MTCL1: variants seen among roughly 807,000 people sequenced by gnomAD.
MTCL1 encodes the protein microtubule cross-linking factor 1.
A neutral mutation model predicts 141.4 loss-of-function variants in MTCL1; 79 were observed. That is an observed-to-expected ratio of 0.56 (90% confidence interval 0.47 to 0.67). MTCL1 has a LOEUF of 0.67. Ranked by LOEUF, MTCL1 falls within the 30% of genes least tolerant of loss-of-function variation. MTCL1 has a pLI of 0.00. For missense variants in MTCL1, 2,177 were observed against 2,113.9 expected, an observed-to-expected ratio of 1.03 and a Z score of -0.59; for synonymous variants, 914 against 875.8, an observed-to-expected ratio of 1.04 and a Z score of -0.77.
chr18:8,757,774 A>G (rs982500932), intron 4 of MTCL1, among the ~76,000 whole-genome samples: 5 of 152,206 alleles, frequency 3.3e-5, no homozygotes, highest in South Asian at 2.1e-4. Flanking sequence ...TTTGAAAGCA[A>G]TAGGTTTTTA....
At chr18:8,727,990 T>A (rs2096227555) in intron 4 of MTCL1, among the ~76,000 whole-genome samples, 1 of 151,950 alleles carries the variant, frequency 6.6e-6, no homozygotes, top group Admixed American at 6.6e-5. Flanking sequence ...ATTTTAATGA[T>A]CACTCACATG....
intron 4 of MTCL1, among the ~76,000 whole-genome samples, chr18:8,729,692 A>G (rs1306600525): frequency 4.1e-4 from 2 of 4,832 alleles, no homozygotes. Context: ...ATATATATAT[A>G]TATATATATA....
exon 6 of MTCL1, chr18:8,783,592 C>G (rs1291254598): frequency 1.2e-5 from 20 of 1,613,472 alleles, no homozygotes; most frequent in Non-Finnish European, 1.6e-5. Flanking sequence ...TCCTGATGCG[C>G]AAAAAGATGG....
intron 4 of MTCL1, among the ~76,000 whole-genome samples, chr18:8,763,488 T>G (rs1295528727): frequency 1.3e-5 from 2 of 152,230 alleles, no homozygotes; most frequent in Admixed American, 6.5e-5. Flanking sequence ...GCAGAGAGTC[T>G]CCAGCCCAGC....
exon 5 of MTCL1, chr18:8,777,882 C>A (rs752236595): frequency 6.2e-7 from 1 of 1,613,678 alleles, no homozygotes; most frequent in Non-Finnish European, 8.5e-7. Context: ...GAGAAGAAAA[C>A]CTTTAACCAG....
intron 4 of MTCL1, among the ~76,000 whole-genome samples, chr18:8,771,090 G>T (rs950959689): frequency 9.9e-5 from 15 of 152,068 alleles, no homozygotes; most frequent in Non-Finnish European, 2.2e-4. Context: ...TAATTAATTC[G>T]CATCCTTCAC....
chr18:8,804,562 T>C (rs892543053), intron 10 of MTCL1, among the ~76,000 whole-genome samples: 10 of 152,232 alleles, frequency 6.6e-5, no homozygotes, highest in Admixed American at 2.6e-4. Flanking sequence ...TCATAGATGG[T>C]TCCCTATCTG....
chr18:8,729,331 C>T (rs2096237871), intron 4 of MTCL1, among the ~76,000 whole-genome samples: 1 of 151,986 alleles, frequency 6.6e-6, no homozygotes, highest in Non-Finnish European at 1.5e-5. Flanking sequence ...GCTGGGATTA[C>T]AGGCTTAAGG....
Position 8,830,621 on chromosome 18 carries a change from T to C in MTCL1, c.*19-986T>C, listed in dbSNP as rs138367640. The stretch of plus-strand genomic sequence containing the variant: ...TTTTAAATCCTCCAACTCACTTCCT[T>C]TCTTTGAGGGTCCTTGTTCTCTGTC... On this transcript the variant is annotated intron_variant, in intron 16 of 16. Transcript: ENST00000359865. The surrounding 1 kb of genome is among the most constrained non-coding windows in gnomAD (Gnocchi z 6.4). 8.8e-5 allele frequency: 87 copies of C among 985,806 alleles called. No individual in the cohort carries two copies. In the East Asian group the frequency reaches 9.2e-3, roughly 104 times the overall value. The allele number at this position is 985,806 out of a possible 1,614,324, so 61.1% of individuals were successfully genotyped here.
intron 6 of MTCL1, 72 bp from the exon 6 acceptor site, chr18:8,785,864 C>T (rs1198673909): frequency 2.0e-6 from 3 of 1,513,604 alleles, no homozygotes; most frequent in Non-Finnish European, 1.8e-6. Context: ...CACCCTTGTC[C>T]TTTGTTTGTT....
At chr18:8,793,159 A>T (rs901073373) in intron 8 of MTCL1, 39 bp downstream of exon 7, 2 of 1,608,830 alleles carry the variant, frequency 1.2e-6, no homozygotes. Context: ...CCGCTTTGTG[A>T]ACTGCAGAGC....
Position 8,813,145 on chromosome 18 carries a change from G to A in MTCL1, c.2771G>A (p.Arg924Gln), listed in dbSNP as rs371845192. The change falls in exon 12 of 17, where the codon CGG becomes CAG. Residue 924 changes from arginine to glutamine, a missense_variant. Physicochemically the swap from Arg to Gln is conservative, Grantham distance 43. Transcript: ENST00000359865. ...CATCACAGCGAGAAGAACTGGAACC[G>A]GGAGAAGGTGGAACTTCTCGACCGC... is the stretch of plus-strand genomic sequence containing the variant. 5.0e-5 allele frequency: 80 copies of A among 1,614,080 alleles called. No homozygotes were observed. The East Asian group carries it at 8.7e-4, about 18-fold the overall frequency.
chr18:8,706,089 G>A (rs2096057654), exon 1 of MTCL1: 2 of 1,204,986 alleles, frequency 1.7e-6, no homozygotes, highest in African/African-American at 1.6e-5. Flanking sequence ...CGCTGTCCCG[G>A]GCTGGGAAGC....
chr18:8,760,914 A>G (rs528442222), intron 4 of MTCL1, among the ~76,000 whole-genome samples: 7 of 152,342 alleles, frequency 4.6e-5, no homozygotes, highest in Admixed American at 1.3e-4. Flanking sequence ...TGAAGAAACC[A>G]TGCATGTTGA....
At chr18:8,776,254 C>T (rs1013301100) in intron 4 of MTCL1, among the ~76,000 whole-genome samples, 1 of 152,226 alleles carries the variant, frequency 6.6e-6, no homozygotes, top group African/African-American at 2.4e-5. Flanking sequence ...CGGCAGAGCT[C>T]TGCTTCCCCA....
At position 8,718,665 on chromosome 18, in the gene MTCL1, T is replaced by A. The variant is rs1248198123; in HGVS notation, c.198+17T>A. On this transcript the variant is annotated intron_variant, in intron 3 of 16. Coordinates refer to ENST00000359865, the Ensembl canonical transcript of MTCL1. ...GACTTGAAGGTGAGTGAGGGGGTGG[T>A]GCGTGCACCTCGCAAGGCTGCTGTG... 1.9e-6 allele frequency: 3 copies of A among 1,610,548 alleles called. No homozygotes were observed. In the South Asian group the frequency reaches 3.3e-5, roughly 18 times the overall value.
Position 8,786,109 on chromosome 18 carries a change from A to AGCCCCC in MTCL1, c.1887+18_1887+19insGCCCCC. On this transcript the variant is annotated intron_variant, in intron 7 of 16. Coordinates refer to ENST00000359865, the Ensembl canonical transcript of MTCL1. Reference sequence around the variant, plus strand: ...GCCTGGAGGTCAGCGTGGGCAAGCAATCCCCCCCCCCCGCCCTCCCCCTCC... The same window carrying AGCCCCC: ...GCCTGGAGGTCAGCGTGGGCAAGCAAGCCCCCTCCCCCCCCCCCGCCCTCCCCCTCC... 1 of 1,342,526 alleles carries AGCCCCC rather than the reference A, an allele frequency of 7.4e-7. No individual in the cohort carries two copies. Among genetic ancestry groups the AGCCCCC allele is most frequent in the South Asian group, 1.3e-5 (1 of 78,656 alleles). 83.2% of individuals were successfully genotyped at this position (1,342,526 alleles called of 1,614,324 possible).
At chr18:8,771,993 G>A (rs180921488) in intron 4 of MTCL1, among the ~76,000 whole-genome samples, 20 of 152,316 alleles carry the variant, frequency 1.3e-4, no homozygotes, top group African/African-American at 4.8e-5. Flanking sequence ...TAATGTACAC[G>A]CAAATTGTCC....
chr18:8,812,489 G>A (rs1382138741), intron 11 of MTCL1, among the ~76,000 whole-genome samples: 1 of 152,118 alleles, frequency 6.6e-6, no homozygotes, highest in Non-Finnish European at 1.5e-5. Flanking sequence ...TATGACATGG[G>A]TCATTTTTCC....
Sources: allele counts gnomAD v4.1 joint callset (sites outside exome capture counted in the v4.1 genomes callset), GRCh38; gene constraint gnomAD v4.1.1; non-coding constraint Gnocchi (gnomAD v3.1); transcripts MANE v1.5; gene names NCBI Gene and HGNC (gene_info 2026-07-23, HGNC 2026-07-21).